Variants in DTD1 observed in about 807,000 individuals in gnomAD.
DTD1 encodes the protein D-tyrosyl-tRNA deacylase 1 homolog.
A neutral mutation model predicts 25.6 loss-of-function variants in DTD1; 13 were observed. The observed-to-expected ratio is 0.51, with a 90% CI of 0.33 to 0.81. DTD1 has a LOEUF of 0.81. Ranked by LOEUF, DTD1 falls within the 30% of genes least tolerant of loss-of-function variation. DTD1 has a pLI of 0.02. For synonymous variants in DTD1, 110 were observed against 103.6 expected (o/e 1.06, Z -0.37); for missense variants, 193 against 266.4 (o/e 0.72, Z 1.92).
intron 5 of DTD1, among the ~76,000 whole-genome samples, chr20:18,755,164 AT>A (rs148178798): frequency 0.037 from 5,569 of 152,126 alleles, 218 homozygotes; most frequent in African/African-American, 0.091. Context: ...TTTGAAAGCC[AT>A]TTTTTTTATT....
intron 4 of DTD1, among the ~76,000 whole-genome samples, chr20:18,636,466 C>T (rs1346853779): frequency 1.3e-5 from 2 of 152,204 alleles, no homozygotes; most frequent in African/African-American, 4.8e-5. Context: ...TGATAGAATT[C>T]TAAAAAATGC....
At chr20:18,711,878 T>C (rs1420530577) in intron 4 of DTD1, among the ~76,000 whole-genome samples, 1 of 139,336 alleles carries the variant, frequency 7.2e-6, no homozygotes, top group Non-Finnish European at 1.5e-5. Flanking sequence ...ACCCTGTCTC[T>C]ACTAAAAATA....
At chr20:18,670,195 G>A (rs2060946843) in intron 4 of DTD1, among the ~76,000 whole-genome samples, 1 of 152,178 alleles carries the variant, frequency 6.6e-6, no homozygotes, top group African/African-American at 2.4e-5. Context: ...GGTGGCTCAT[G>A]CGTATAATCC....
At chr20:18,744,861 G>T (rs943776920) in intron 5 of DTD1, among the ~76,000 whole-genome samples, 1 of 152,040 alleles carries the variant, frequency 6.6e-6, no homozygotes, top group Admixed American at 6.5e-5. Context: ...ATTTGGGTGG[G>T]GACACAGCCA....
At chr20:18,609,123 C>T (rs1297368027) in intron 3 of DTD1, among the ~76,000 whole-genome samples, 1 of 151,822 alleles carries the variant, frequency 6.6e-6, no homozygotes, top group Admixed American at 6.6e-5. Context: ...TCTAGTTACA[C>T]CCTTTTGTAG....
At chr20:18,668,301 C>T (rs2060939532) in intron 4 of DTD1, among the ~76,000 whole-genome samples, 1 of 152,102 alleles carries the variant, frequency 6.6e-6, no homozygotes, top group South Asian at 2.1e-4. Context: ...GTTGGACAAG[C>T]TATTTTGAAT....
chr20:18,615,215 G>A (rs2060704645), intron 3 of DTD1, among the ~76,000 whole-genome samples: 1 of 152,268 alleles, frequency 6.6e-6, no homozygotes, highest in African/African-American at 2.4e-5. Context: ...TGTAATGACA[G>A]GAGTGTCAAA....
At chr20:18,670,013 T>C (rs1379866207) in intron 4 of DTD1, among the ~76,000 whole-genome samples, 1 of 152,206 alleles carries the variant, frequency 6.6e-6, no homozygotes, top group East Asian at 1.9e-4. Flanking sequence ...GCTCTAACTC[T>C]GTCACCTGCA....
chr20:18,648,707 C>G (rs1046740807), intron 4 of DTD1, among the ~76,000 whole-genome samples: 3 of 151,858 alleles, frequency 2.0e-5, no homozygotes, highest in African/African-American at 7.3e-5. Context: ...AGATTATTGG[C>G]GTGAATTTTA....
chr20:18,727,204 G>A (rs1489549120), intron 4 of DTD1, among the ~76,000 whole-genome samples: 3 of 152,256 alleles, frequency 2.0e-5, no homozygotes, highest in African/African-American at 7.2e-5. Flanking sequence ...ATGACAGAAT[G>A]TGGATTCCCC....
At chr20:18,598,217 G>C (rs975370110) in intron 3 of DTD1, among the ~76,000 whole-genome samples, 1 of 151,688 alleles carries the variant, frequency 6.6e-6, no homozygotes, top group Non-Finnish European at 1.5e-5. Context: ...TTATAAGTAA[G>C]AACATGTGGC....
At chr20:18,744,655 A>AAAAAT (rs10632823) in intron 5 of DTD1, among the ~76,000 whole-genome samples, 21 of 119,936 alleles carry the variant, frequency 1.8e-4, no homozygotes, top group African/African-American at 6.4e-4. Flanking sequence ...AAAACAAAAA[A>AAAAAT]CAAGTGAAAG....
At chr20:18,641,391 T>G (rs2060827533) in intron 4 of DTD1, among the ~76,000 whole-genome samples, 1 of 152,222 alleles carries the variant, frequency 6.6e-6, no homozygotes, top group African/African-American at 2.4e-5. Context: ...GGTAGTTCTT[T>G]GTTTAATTTT....
In DTD1 at chr20:18,744,096, TC is replaced by T; in HGVS notation, c.478-3del. 8 of 1,592,514 alleles carry T rather than the reference TC, an allele frequency of 5.0e-6. No homozygotes were observed. The highest frequency in any genetic ancestry group is 6.8e-6 in the Non-Finnish European group (8 of 1,171,020). On this transcript the variant is annotated splice_region_variant and splice_polypyrimidine_tract_variant and intron_variant, in intron 4 of 5. Coordinates refer to ENST00000377452, the MANE Select transcript of DTD1 (RefSeq NM_080820.6). ...AATATTCTTTTTTATTTTTATTTAA[TC>T]AGCTGTCAAAGCTCGAAAAACAGCA...
chr20:18,630,121 A>AT (rs1447735463), intron 4 of DTD1, among the ~76,000 whole-genome samples: 5 of 102,520 alleles, frequency 4.9e-5, no homozygotes, highest in African/African-American at 1.5e-4. Flanking sequence ...GACTAATGAC[A>AT]TTAAAAAAAT....
At chr20:18,743,372 C>T (rs1600218766) in intron 4 of DTD1, among the ~76,000 whole-genome samples, 3 of 152,274 alleles carry the variant, frequency 2.0e-5, no homozygotes, top group Admixed American at 2.0e-4. Context: ...TAATCTTCAG[C>T]AAAGAGTAAT....
chr20:18,690,360 C>T (rs2061040948), intron 4 of DTD1, among the ~76,000 whole-genome samples: 1 of 152,014 alleles, frequency 6.6e-6, no homozygotes, highest in Non-Finnish European at 1.5e-5. Flanking sequence ...TTAGGTTCCA[C>T]TTGTTAATTT....
At chr20:18,595,243 T>G (rs2060605690) in intron 2 of DTD1, among the ~76,000 whole-genome samples, 1 of 152,182 alleles carries the variant, frequency 6.6e-6, no homozygotes, top group African/African-American at 2.4e-5. Context: ...GATTTTTCTC[T>G]CAGTGTATTT....
Position 18,596,029 on chromosome 20 carries a change from G to T in DTD1, c.158G>T (p.Arg53Leu), listed in dbSNP as rs761352624. Residue 53 changes from arginine (R) to leucine (L), a missense_variant, in exon 3 of 6, where the codon CGT (arginine) becomes CTT (leucine). Transcript: ENST00000377452. ...AGGGTCCGAAAGATTCTAAACCTGC[G>T]TGTATTTGAGGATGAGAGTGGGAAG... ...EHMVRKILNLRVFEDESGKHW... is the reference protein window; with the variant it reads ...EHMVRKILNLLVFEDESGKHW... 6.2e-7 allele frequency: 1 copy of T among 1,614,126 alleles called. No individual in the cohort carries two copies. Among genetic ancestry groups the T allele is most frequent in the African/African-American group, 1.3e-5 (1 of 75,018 alleles).
Sources: gnomAD v4.1 joint callset for allele counts (sites outside exome capture counted in the v4.1 genomes callset) on GRCh38, gnomAD v4.1.1 for gene constraint, MANE v1.5 for transcripts, NCBI Gene and HGNC (gene_info 2026-07-23, HGNC 2026-07-21) for gene names.